Variants in BRWD1 observed in about 807,000 individuals in gnomAD.
BRWD1 encodes the protein bromodomain and WD repeat-containing protein 1.
Under a neutral mutation model 251.2 loss-of-function variants are expected in BRWD1, and 82 were observed. The observed-to-expected ratio is 0.33, with a 90% CI of 0.27 to 0.39. BRWD1 has a LOEUF of 0.39. Among genes scored for constraint, BRWD1 ranks in the 10% least tolerant of loss-of-function variants. BRWD1 has a pLI of 1.00. For synonymous variants in BRWD1, 918 were observed against 902.8 expected, an observed-to-expected ratio of 1.02 and a Z score of -0.30; for missense variants, 2,233 against 2,711.6, an observed-to-expected ratio of 0.82 and a Z score of 3.92.
intron 5 of BRWD1, chr21:39,296,946 C>T (rs565784404): frequency 2.0e-6 from 2 of 984,780 alleles, no homozygotes; most frequent in South Asian, 4.7e-5. Context: ...ATTAATTTGG[C>T]CAATACTACC....
chr21:39,262,404 A>T (rs2034781437), intron 17 of BRWD1, among the ~76,000 whole-genome samples: 1 of 152,210 alleles, frequency 6.6e-6, no homozygotes, highest in Non-Finnish European at 1.5e-5. Context: ...CACTAAGTCA[A>T]AGAAGCCAGA....
At chr21:39,314,647 C>T (rs535565814), upstream of BRWD1, 3 of 327,982 alleles carry the variant, frequency 9.1e-6, no homozygotes, top group East Asian at 8.5e-5. Context: ...GCTCTGGCCC[C>T]TAAAGTACAG....
chr21:39,316,453 C>CA (rs1306030698), upstream of BRWD1, among the ~76,000 whole-genome samples: 1 of 152,144 alleles, frequency 6.6e-6, no homozygotes, highest in Non-Finnish European at 1.5e-5. Context: ...TACCAAATGA[C>CA]AAAGACATCA....
chr21:39,274,503 A>T, intron 12 of BRWD1, 31 bp from the exon 13 acceptor site: 1 of 1,517,462 alleles, frequency 6.6e-7, no homozygotes, highest in East Asian at 2.3e-5. Flanking sequence ...ATCTTACTAT[A>T]TTCACACACT....
intron 29 of BRWD1, among the ~76,000 whole-genome samples, chr21:39,220,868 A>C (rs2033147996): frequency 6.6e-6 from 1 of 152,134 alleles, no homozygotes; most frequent in Non-Finnish European, 1.5e-5. Context: ...AAATATAAAA[A>C]GACTCAACAC....
intron 18 of BRWD1, among the ~76,000 whole-genome samples, chr21:39,256,796 C>G (rs1402942282): frequency 6.6e-6 from 1 of 152,176 alleles, no homozygotes; most frequent in Non-Finnish European, 1.5e-5. Flanking sequence ...GGCTATGGAG[C>G]TGTACTCCAG....
At chr21:39,207,826 A>AT (rs1481405894) in intron 36 of BRWD1, among the ~76,000 whole-genome samples, 1 of 152,268 alleles carries the variant, frequency 6.6e-6, no homozygotes, top group African/African-American at 2.4e-5. Context: ...ATAAAATGGA[A>AT]TAAAGTTCTG....
intron 15 of BRWD1, among the ~76,000 whole-genome samples, chr21:39,267,758 T>A (rs2034970905): frequency 6.6e-6 from 1 of 152,228 alleles, no homozygotes; most frequent in Non-Finnish European, 1.5e-5. Context: ...TGTACAAGGC[T>A]ATTCAAAGTG....
intron 8 of BRWD1, among the ~76,000 whole-genome samples, chr21:39,289,091 G>A (rs969181263): frequency 2.0e-5 from 3 of 152,146 alleles, no homozygotes; most frequent in Admixed American, 2.0e-4. Flanking sequence ...TAATGTACTT[G>A]CAAGTAATAT....
chr21:39,306,427 G>GT (rs2036291134), intron 4 of BRWD1, among the ~76,000 whole-genome samples: 1 of 152,026 alleles, frequency 6.6e-6, no homozygotes, highest in Non-Finnish European at 1.5e-5. Flanking sequence ...TTATTTAATT[G>GT]TAATTTTCAT....
chr21:39,186,856 A>G lies in BRWD1; in HGVS notation c.*9403T>C. 1 of 1,117,020 alleles carries G rather than the reference A, an allele frequency of 9.0e-7. No individual in the cohort carries two copies. Among genetic ancestry groups the G allele is most frequent in the Non-Finnish European group, 1.2e-6 (1 of 831,764 alleles). The allele number at this position is 1,117,020 out of a possible 1,614,324, so 69.2% of individuals were successfully genotyped here. A position where few individuals can be genotyped will look rare whatever the true frequency, so the allele number is the denominator to read the frequency against. ...TTTCCTCCTCAGAATTCCCCAGAGCACATGTCTGTACAAGAGCTGACTGGG... is the reference window on the plus strand; with the variant it reads ...TTTCCTCCTCAGAATTCCCCAGAGCGCATGTCTGTACAAGAGCTGACTGGG... On this transcript the variant is annotated 3_prime_UTR_variant, in exon 41 of 41. Transcript: ENST00000342449.
At chr21:39,312,986 GGCGGGCGGGGGGC>G (rs1416161970) in intron 3 of BRWD1, 73 bp downstream of exon 3, 2 of 1,013,466 alleles carry the variant, frequency 2.0e-6, no homozygotes, top group East Asian at 4.1e-5. Context: ...GGCGGCGGGC[GGCGGGCGGGGGGC>G]GCGGGCGAGC....
chr21:39,217,014 T>C (rs1281593154), intron 31 of BRWD1: 1 of 19,528 alleles, frequency 5.1e-5, no homozygotes, highest in Non-Finnish European at 1.0e-4. Flanking sequence ...CCCACAAATA[T>C]ATATATATAT....
Position 39,296,743 on chromosome 21 carries a change from T to TG in BRWD1, c.350-381dup, listed in dbSNP as rs2035972012. On this transcript the variant is annotated intron_variant, in intron 5 of 40. Coordinates refer to ENST00000342449, the MANE Select transcript of BRWD1 (RefSeq NM_033656.4). ...TCCACAGCAAATGATTGGTAAAAGA[T>TG]GGACCATAAAACCAGATCTTTTGAC... 18 of 900,506 alleles carry TG rather than the reference T, an allele frequency of 2.0e-5. 1 individual carries two copies. The highest frequency in any genetic ancestry group is 2.4e-5 in the Non-Finnish European group (18 of 751,714). The allele number at this position is 900,506 out of a possible 1,614,324, so 55.8% of individuals were successfully genotyped here.
chr21:39,278,868 G>C, intron 9 of BRWD1, 55 bp from the exon 10 acceptor site: 1 of 1,294,726 alleles, frequency 7.7e-7, no homozygotes, highest in Non-Finnish European at 1.1e-6. Flanking sequence ...CATTAACACA[G>C]CTTAAAATAT....
intron 13 of BRWD1, among the ~76,000 whole-genome samples, chr21:39,272,091 A>G (rs1027837881): frequency 6.6e-6 from 1 of 150,960 alleles, no homozygotes; most frequent in Non-Finnish European, 1.5e-5. Flanking sequence ...CACAGAAGAG[A>G]GAATAATTCT....
intron 32 of BRWD1, among the ~76,000 whole-genome samples, chr21:39,213,884 C>A (rs1404612398): frequency 6.7e-6 from 1 of 150,040 alleles, no homozygotes; most frequent in African/African-American, 2.5e-5. Context: ...CAATAAGTAC[C>A]AGGAAAACAG....
In BRWD1 at chr21:39,293,874, G is replaced by A. The variant is rs764764028; in HGVS notation, c.768C>T (p.Cys256=). ...CAGCAACTGGGGCACAAGTTCTCAAGCACCACACTCTAATAATTTTATCAC... is the reference window on the plus strand; with the variant it reads ...CAGCAACTGGGGCACAAGTTCTCAAACACCACACTCTAATAATTTTATCAC... ...GSCDKIIRVW[C]LRTCAPVAVL... Residue 256 remains cysteine (C), a synonymous_variant, in exon 8 of 41, where the codon TGC becomes TGT. Coordinates refer to ENST00000342449, the MANE Select transcript of BRWD1 (RefSeq NM_033656.4). 3.1e-6 allele frequency: 5 copies of A among 1,614,010 alleles called. No homozygotes were observed. Among genetic ancestry groups the A allele is most frequent in the Admixed American group, 3.3e-5 (2 of 59,994 alleles).
chr21:39,307,417 G>T (rs1041071910), intron 4 of BRWD1, among the ~76,000 whole-genome samples: 2 of 151,950 alleles, frequency 1.3e-5, no homozygotes, highest in African/African-American at 4.8e-5. Context: ...ATATGTACTT[G>T]TATGAATATC....
Sources: gnomAD v4.1 joint callset for allele counts (sites outside exome capture counted in the v4.1 genomes callset) on GRCh38, gnomAD v4.1.1 for gene constraint, MANE v1.5 for transcripts, NCBI Gene and HGNC (gene_info 2026-07-23, HGNC 2026-07-21) for gene names.